SGCZ: variants seen among roughly 807,000 people sequenced by gnomAD.
The protein encoded by SGCZ is zeta-sarcoglycan.
Under a neutral mutation model 41.3 loss-of-function variants are expected in SGCZ, and 40 were observed. The ratio of observed to expected loss-of-function variants is 0.97; its 90% CI spans 0.75 to 1.26. The LOEUF (loss-of-function observed/expected upper bound fraction) is 1.26, where lower values mean the gene tolerates loss of function less well. SGCZ is among the 50% of genes most tolerant of loss of function. The probability of loss-of-function intolerance (pLI) is 0.00; values close to 1 mark genes in which losing one functional copy is unlikely to be tolerated. For synonymous variants in SGCZ, 206 were observed against 137.5 expected (o/e 1.50, Z -3.49); for missense variants, 552 against 369.8 (o/e 1.49, Z -4.04).
At chr8:15,086,909 A>G (rs991386028) in intron 1 of SGCZ, among the ~76,000 whole-genome samples, 23 of 152,270 alleles carry the variant, frequency 1.5e-4, no homozygotes, top group African/African-American at 5.5e-4. Flanking sequence ...CATTTCACAT[A>G]TAAAGAAGGC....
At chr8:14,759,936 C>CT (rs1469551632) in intron 1 of SGCZ, among the ~76,000 whole-genome samples, 1 of 152,080 alleles carries the variant, frequency 6.6e-6, no homozygotes, top group Non-Finnish European at 1.5e-5. Context: ...GGACAAATTT[C>CT]TTTTTTATTT....
chr8:14,826,714 T>C (rs1236128883), intron 1 of SGCZ, among the ~76,000 whole-genome samples: 3 of 152,218 alleles, frequency 2.0e-5, no homozygotes, highest in Non-Finnish European at 4.4e-5. Flanking sequence ...ATGTGTCTTT[T>C]GGCTGCATAA....
chr8:14,971,729 A>G (rs895689331), intron 1 of SGCZ, among the ~76,000 whole-genome samples: 1 of 148,402 alleles, frequency 6.7e-6, no homozygotes, highest in Non-Finnish European at 1.5e-5. Flanking sequence ...GGCTGACTGC[A>G]ACCTCCACCT....
chr8:15,130,215 T>A (rs935193605), intron 1 of SGCZ, among the ~76,000 whole-genome samples: 1 of 152,112 alleles, frequency 6.6e-6, no homozygotes, highest in African/African-American at 2.4e-5. Flanking sequence ...CTGCAAAAAC[T>A]GAGCTGTGCA....
chr8:14,816,834 A>T (rs993264557), intron 1 of SGCZ, among the ~76,000 whole-genome samples: 1 of 152,220 alleles, frequency 6.6e-6, no homozygotes, highest in Non-Finnish European at 1.5e-5. Context: ...AAATGCACCA[A>T]ACAGCAAATG....
chr8:14,189,916 A>ATT, intron 4 of SGCZ, among the ~76,000 whole-genome samples: 1 of 151,972 alleles, frequency 6.6e-6, no homozygotes, highest in Non-Finnish European at 1.5e-5. Context: ...CTGATAGAAA[A>ATT]TTTGTTTATT....
At chr8:14,624,038 A>G (rs181466766) in intron 1 of SGCZ, among the ~76,000 whole-genome samples, 78 of 152,252 alleles carry the variant, frequency 5.1e-4, no homozygotes, top group African/African-American at 1.7e-3. Context: ...GATAAAACAC[A>G]CTTTTATTTG....
At chr8:14,654,730 C>T (rs1244215700) in intron 1 of SGCZ, among the ~76,000 whole-genome samples, 1 of 148,622 alleles carries the variant, frequency 6.7e-6, no homozygotes, top group Non-Finnish European at 1.5e-5. Context: ...CACCGCCATG[C>T]CCAGCTAATT....
chr8:14,998,319 A>T (rs1277144735), intron 1 of SGCZ, among the ~76,000 whole-genome samples: 1 of 151,924 alleles, frequency 6.6e-6, no homozygotes, highest in Non-Finnish European at 1.5e-5. Context: ...AAATACAAAT[A>T]CTCCTTGATA....
At chr8:15,121,777 G>C (rs1038500880) in intron 1 of SGCZ, among the ~76,000 whole-genome samples, 1 of 151,654 alleles carries the variant, frequency 6.6e-6, no homozygotes, top group South Asian at 2.1e-4. Flanking sequence ...ACATCATAAA[G>C]TTCAAAAAGC....
chr8:15,021,898 A>G (rs758141196), intron 1 of SGCZ, among the ~76,000 whole-genome samples: 4 of 152,214 alleles, frequency 2.6e-5, no homozygotes, highest in Non-Finnish European at 4.4e-5. Context: ...ACTGAAATAT[A>G]CTGTCTCTTT....
intron 1 of SGCZ, among the ~76,000 whole-genome samples, chr8:14,581,345 G>A (rs188177826): frequency 5.9e-5 from 9 of 152,126 alleles, no homozygotes; most frequent in South Asian, 2.1e-4. Flanking sequence ...GGCCTCAAGC[G>A]AACAGCCCAC....
At chr8:15,155,209 G>A (rs926617165) in intron 1 of SGCZ, among the ~76,000 whole-genome samples, 1 of 152,098 alleles carries the variant, frequency 6.6e-6, no homozygotes. Context: ...GTGGAACAAT[G>A]GCTTGAGCCC....
chr8:14,892,426 T>A (rs1340066502), intron 1 of SGCZ, among the ~76,000 whole-genome samples: 2 of 152,156 alleles, frequency 1.3e-5, no homozygotes, highest in Admixed American at 1.3e-4. Context: ...GATACGACTG[T>A]GATAAAGGAA....
At chr8:14,247,125 A>T (rs887997988) in intron 3 of SGCZ, among the ~76,000 whole-genome samples, 1 of 152,132 alleles carries the variant, frequency 6.6e-6, no homozygotes, top group Admixed American at 6.5e-5. Context: ...TTATCTATGT[A>T]TCAATCAACT....
intron 2 of SGCZ, among the ~76,000 whole-genome samples, chr8:14,335,939 G>A (rs2117063726): frequency 6.6e-6 from 1 of 151,970 alleles, no homozygotes; most frequent in Non-Finnish European, 1.5e-5. Flanking sequence ...AAAACTTTTA[G>A]GTTCAGGGGT....
At chr8:14,344,473 T>C (rs1355438850) in intron 2 of SGCZ, among the ~76,000 whole-genome samples, 4 of 152,024 alleles carry the variant, frequency 2.6e-5, no homozygotes, top group African/African-American at 7.2e-5. Flanking sequence ...AGCTAACTTC[T>C]TAAAAAATTA....
At chr8:14,517,009 G>T (rs773056695) in intron 2 of SGCZ, among the ~76,000 whole-genome samples, 2 of 152,038 alleles carry the variant, frequency 1.3e-5, no homozygotes, top group Non-Finnish European at 2.9e-5. Context: ...GAACCAGGAA[G>T]TCAAGAGGTT....
intron 1 of SGCZ, among the ~76,000 whole-genome samples, chr8:14,914,766 T>C (rs1268817801): frequency 6.6e-6 from 1 of 152,194 alleles, no homozygotes; most frequent in African/African-American, 2.4e-5. Context: ...ATTCATTTCT[T>C]TGTATACTTC....
Sources: allele counts gnomAD v4.1 joint callset (sites outside exome capture counted in the v4.1 genomes callset), GRCh38; gene constraint gnomAD v4.1.1; transcripts MANE v1.5; gene names NCBI Gene and HGNC (gene_info 2026-07-23, HGNC 2026-07-21).